Variants in SENP7 observed in about 807,000 individuals in gnomAD.
The protein encoded by SENP7 is sentrin-specific protease 7.
SENP7 carries 64 observed loss-of-function variants against 141.2 expected under a neutral mutation model. The observed-to-expected ratio is 0.45, with a 90% CI of 0.37 to 0.56. The LOEUF is 0.56. Ranked by LOEUF, SENP7 falls within the 20% of genes least tolerant of loss-of-function variation. SENP7 has a pLI of 0.00. For missense variants in SENP7, 1,025 were observed against 1,212.2 expected, an observed-to-expected ratio of 0.85 and a Z score of 2.29; for synonymous variants, 382 against 426.4, an observed-to-expected ratio of 0.90 and a Z score of 1.28.
In SENP7 at chr3:101,513,055, G is replaced by A. The variant is rs199669063; in HGVS notation, c.40+36C>T. 5.7e-4 allele frequency: 919 copies of A among 1,609,402 alleles called. 1 individual carries two copies. The highest frequency in any genetic ancestry group is 5.0e-4 in the Middle Eastern group (3 of 6,052). On this transcript the variant is annotated intron_variant, in intron 1 of 23. Coordinates refer to ENST00000394095, the MANE Select transcript of SENP7 (RefSeq NM_020654.5). Reference sequence around the variant, plus strand: ...CGCCTCCCGTTTCCCCCGGGTAGGAGACAATATGTTCAGCCCTTCTCTGAC... The same window carrying A: ...CGCCTCCCGTTTCCCCCGGGTAGGAAACAATATGTTCAGCCCTTCTCTGAC...
intron 19 of SENP7, among the ~76,000 whole-genome samples, chr3:101,331,371 T>A (rs1216078448): frequency 6.6e-6 from 1 of 150,864 alleles, no homozygotes; most frequent in Non-Finnish European, 1.5e-5. Context: ...TAGTCCTGAC[T>A]AATCAGGAGG....
chr3:101,364,263 G>A (rs528177740), intron 10 of SENP7, among the ~76,000 whole-genome samples: 64 of 128,372 alleles, frequency 5.0e-4, no homozygotes, highest in African/African-American at 1.8e-3. Flanking sequence ...AAAGAATACT[G>A]ATAATAAATG....
chr3:101,469,053 A>G (rs1330754258), intron 3 of SENP7, among the ~76,000 whole-genome samples: 1 of 152,188 alleles, frequency 6.6e-6, no homozygotes, highest in Non-Finnish European at 1.5e-5. Context: ...AAAAAAAAGC[A>G]GGGGTTGCAA....
chr3:101,463,400 T>TATATATACATATATATATATATATACAC (rs2063648618), intron 3 of SENP7, among the ~76,000 whole-genome samples: 6 of 77,992 alleles, frequency 7.7e-5, no homozygotes, highest in Admixed American at 1.6e-4. Flanking sequence ...TATATATACA[T>TATATATACATATATATATATATATACAC]ATATATATAT....
chr3:101,441,136 C>G (rs927539944), intron 4 of SENP7, among the ~76,000 whole-genome samples: 1 of 152,184 alleles, frequency 6.6e-6, no homozygotes, highest in Non-Finnish European at 1.5e-5. Context: ...AATAGTAACA[C>G]TTCATTTGCT....
At chr3:101,362,757 C>CT (rs1469031356) in intron 10 of SENP7, among the ~76,000 whole-genome samples, 1 of 152,134 alleles carries the variant, frequency 6.6e-6, no homozygotes, top group Non-Finnish European at 1.5e-5. Flanking sequence ...ATTGTATACT[C>CT]TATGTTTGAA....
intron 20 of SENP7, among the ~76,000 whole-genome samples, chr3:101,329,281 C>A (rs1320394635): frequency 6.6e-6 from 1 of 152,094 alleles, no homozygotes; most frequent in Non-Finnish European, 1.5e-5. Flanking sequence ...ACCTTGGAAT[C>A]CTGCTTATCA....
chr3:101,398,815 T>C, intron 6 of SENP7, 46 bp downstream of exon 6: 2 of 1,333,434 alleles, frequency 1.5e-6, no homozygotes, highest in Middle Eastern at 2.2e-4. Flanking sequence ...GAAGGATACA[T>C]AAAAATAAAT....
At chr3:101,329,485 TAA>T (rs770021272) in intron 20 of SENP7, among the ~76,000 whole-genome samples, 1 of 144,548 alleles carries the variant, frequency 6.9e-6, no homozygotes, top group Non-Finnish European at 1.5e-5. Flanking sequence ...TTTGTACATA[TAA>T]AAAAAAAAAA....
intron 11 of SENP7, among the ~76,000 whole-genome samples, chr3:101,360,809 G>A (rs1167987228): frequency 5.3e-5 from 8 of 152,158 alleles, no homozygotes; most frequent in South Asian, 4.1e-4. Flanking sequence ...AGTTAATTCC[G>A]TCTAAAAAGG....
chr3:101,455,431 G>A (rs771443091), intron 4 of SENP7, among the ~76,000 whole-genome samples: 1 of 152,050 alleles, frequency 6.6e-6, no homozygotes, highest in African/African-American at 2.4e-5. Flanking sequence ...ATTAGCTGCC[G>A]TAATTATAAA....
intron 3 of SENP7, among the ~76,000 whole-genome samples, chr3:101,461,231 ATTGT>A (rs887311096): frequency 2.0e-5 from 3 of 152,146 alleles, no homozygotes; most frequent in African/African-American, 7.2e-5. Context: ...TTGAATCAAT[ATTGT>A]TTATCTCCTT....
At chr3:101,415,949 A>AT (rs1430372830) in intron 5 of SENP7, among the ~76,000 whole-genome samples, 3 of 152,218 alleles carry the variant, frequency 2.0e-5, no homozygotes, top group Admixed American at 6.5e-5. Context: ...CCCCCAAAAA[A>AT]ATATATATAT....
chr3:101,469,850 A>G lies in SENP7; in HGVS notation c.187-10798T>C, dbSNP rs1559874959. 1.4e-5 allele frequency among the ~76,000 whole-genome samples: 2 copies of G among 140,738 alleles called. 1 individual carries two copies. The highest frequency in any genetic ancestry group is 3.1e-5 in the Non-Finnish European group (2 of 64,744). The allele number at this position is 140,738 out of a possible 152,430, so 92.3% of individuals were successfully genotyped here. On this transcript the variant is annotated intron_variant, in intron 3 of 23. Transcript: ENST00000394095. ...CGTCTCAAAAAAAAAAAAAAAAAAA[A>G]AAGAACAGAAATCACAACAAACTGT...
At chr3:101,357,264 G>A in intron 11 of SENP7, 1 of 480,252 alleles carries the variant, frequency 2.1e-6, no homozygotes, top group Non-Finnish European at 3.9e-6. Flanking sequence ...GCCTCCCAAA[G>A]TGCTGAGATT....
At chr3:101,493,351 C>T (rs9852617) in intron 3 of SENP7, among the ~76,000 whole-genome samples, 60,342 of 151,856 alleles carry the variant, frequency 0.4, 12,503 homozygotes, top group Admixed American at 0.54. Context: ...ACACAAGTTA[C>T]CTATGGAACA....
chr3:101,418,664 A>G (rs970189108), intron 4 of SENP7, among the ~76,000 whole-genome samples: 5 of 145,586 alleles, frequency 3.4e-5, no homozygotes, highest in African/African-American at 1.3e-4. Context: ...ACATATTTTC[A>G]AGATAAAACG....
chr3:101,440,667 C>A (rs139219965), intron 4 of SENP7, among the ~76,000 whole-genome samples: 86 of 150,894 alleles, frequency 5.7e-4, no homozygotes, highest in Non-Finnish European at 1.0e-3. Flanking sequence ...CCAACTCATT[C>A]TATAATGACA....
intron 15 of SENP7, 136 bp from the exon 16 acceptor site, chr3:101,340,347 A>G (rs1260627221): frequency 9.6e-7 from 1 of 1,038,950 alleles, no homozygotes; most frequent in Non-Finnish European, 1.4e-6. Flanking sequence ...TTGACCAGGC[A>G]TAAATAATGA....
Sources: allele counts gnomAD v4.1 joint callset (sites outside exome capture counted in the v4.1 genomes callset), GRCh38; gene constraint gnomAD v4.1.1; transcripts MANE v1.5; gene names NCBI Gene and HGNC (gene_info 2026-07-23, HGNC 2026-07-21).